Variants in PDE10A observed in about 807,000 individuals in gnomAD.
PDE10A encodes phosphodiesterase 10A.
A neutral mutation model predicts 97.7 loss-of-function variants in PDE10A; 39 were observed. The ratio of observed to expected loss-of-function variants is 0.40; its 90% CI spans 0.31 to 0.52. PDE10A has a LOEUF of 0.52. Ranked by LOEUF, PDE10A falls within the 20% of genes least tolerant of loss-of-function variation. PDE10A has a pLI of 0.56. For synonymous variants in PDE10A, 371 were observed against 376.8 expected, an observed-to-expected ratio of 0.98 and a Z score of 0.18; for missense variants, 731 against 1,047.8, an observed-to-expected ratio of 0.70 and a Z score of 4.17.
At chr6:165,588,281 C>CTTTTTTTCTTT (rs1562606454) in intron 1 of PDE10A, among the ~76,000 whole-genome samples, 1 of 37,034 alleles carries the variant, frequency 2.7e-5, no homozygotes, top group Non-Finnish European at 8.6e-5. Flanking sequence ...ATTTTTTTTT[C>CTTTTTTTCTTT]TTTTTTTTTT....
At chr6:165,757,499 C>T (rs1395078619) in intron 1 of PDE10A, among the ~76,000 whole-genome samples, 4 of 151,932 alleles carry the variant, frequency 2.6e-5, no homozygotes, top group African/African-American at 9.7e-5. Flanking sequence ...TTTCTAGTAT[C>T]TTTATGGTTT....
intron 1 of PDE10A, among the ~76,000 whole-genome samples, chr6:165,838,894 T>C (rs536882349): frequency 2.0e-5 from 3 of 152,350 alleles, no homozygotes; most frequent in South Asian, 4.1e-4. Context: ...CCCTTGTCCA[T>C]TTTCTGGGCC....
intron 1 of PDE10A, among the ~76,000 whole-genome samples, chr6:165,836,967 C>T (rs1018341377): frequency 4.1e-5 from 6 of 147,544 alleles, no homozygotes; most frequent in East Asian, 2.0e-4. Flanking sequence ...CCAAACACCG[C>T]GTATTCTCAC....
At chr6:165,351,670 C>T (rs545885618) in intron 18 of PDE10A, among the ~76,000 whole-genome samples, 5 of 152,246 alleles carry the variant, frequency 3.3e-5, no homozygotes, top group Admixed American at 2.0e-4. Context: ...TCCATCATTG[C>T]AACAAGGATG....
chr6:165,698,981 T>G (rs1791505592), intron 1 of PDE10A, among the ~76,000 whole-genome samples: 1 of 152,256 alleles, frequency 6.6e-6, no homozygotes, highest in Middle Eastern at 3.4e-3. Context: ...ATGGCAAACA[T>G]AAATTCAACT....
chr6:165,660,699 G>A (rs933018185), intron 1 of PDE10A: 2 of 152,742 alleles, frequency 1.3e-5, no homozygotes, highest in Non-Finnish European at 2.9e-5. Flanking sequence ...GCCGCAGTTG[G>A]GAGCGGGAAA....
intron 11 of PDE10A, among the ~76,000 whole-genome samples, chr6:165,417,026 T>C (rs1393492181): frequency 6.6e-6 from 1 of 152,338 alleles, no homozygotes. Flanking sequence ...TTAACAAAGA[T>C]GTCTACAAGT....
chr6:165,534,958 G>T (rs2128317253), intron 2 of PDE10A, among the ~76,000 whole-genome samples: 1 of 152,066 alleles, frequency 6.6e-6, no homozygotes, highest in South Asian at 2.1e-4. Flanking sequence ...TTACACAAGA[G>T]AAAGAAATAA....
intron 3 of PDE10A, among the ~76,000 whole-genome samples, chr6:165,465,761 C>T (rs1562492961): frequency 6.6e-6 from 1 of 152,140 alleles, no homozygotes; most frequent in African/African-American, 2.4e-5. Context: ...GGGGAAATCG[C>T]CCCCATGATT....
At chr6:165,355,598 C>G (rs1234069979) in intron 18 of PDE10A, among the ~76,000 whole-genome samples, 1 of 152,032 alleles carries the variant, frequency 6.6e-6, no homozygotes, top group African/African-American at 2.4e-5. Context: ...GTATCTAGCC[C>G]CTGTTGCTGG....
chr6:165,960,620 C>A (rs697462), intron 1 of PDE10A, among the ~76,000 whole-genome samples: 80,091 of 152,040 alleles, frequency 0.53, 23,397 homozygotes, highest in East Asian at 0.84. Flanking sequence ...GTTGTAGAAT[C>A]GAGAGATTTT....
intron 3 of PDE10A, among the ~76,000 whole-genome samples, chr6:165,468,668 A>G (rs914350791): frequency 3.3e-5 from 5 of 152,218 alleles, no homozygotes; most frequent in Admixed American, 2.6e-4. Flanking sequence ...TTTAAATCCT[A>G]TTGGGGGAGG....
intron 2 of PDE10A, among the ~76,000 whole-genome samples, chr6:165,489,630 T>C (rs1780110239): frequency 6.6e-6 from 1 of 152,028 alleles, no homozygotes; most frequent in South Asian, 2.1e-4. Context: ...AGAATTCAGG[T>C]CGACTATTAA....
intron 1 of PDE10A, among the ~76,000 whole-genome samples, chr6:165,796,165 G>A (rs1285157596): frequency 3.7e-5 from 5 of 133,508 alleles, no homozygotes; most frequent in African/African-American, 1.4e-4. Flanking sequence ...CCGCAATCTC[G>A]GCTCACTGCC....
At chr6:165,750,753 C>T (rs1407499081) in intron 1 of PDE10A, among the ~76,000 whole-genome samples, 1 of 152,188 alleles carries the variant, frequency 6.6e-6, no homozygotes, top group East Asian at 1.9e-4. Flanking sequence ...CAGACTCAAT[C>T]TTTTGACTCA....
chr6:165,349,130 C>T (rs1266188347), intron 18 of PDE10A, among the ~76,000 whole-genome samples: 5 of 152,016 alleles, frequency 3.3e-5, no homozygotes, highest in African/African-American at 4.8e-5. Context: ...AACAGGCAGA[C>T]GTAAGAAGAG....
At chr6:165,394,640 C>A (rs1785996405) in intron 15 of PDE10A, among the ~76,000 whole-genome samples, 1 of 152,130 alleles carries the variant, frequency 6.6e-6, no homozygotes, top group Non-Finnish European at 1.5e-5. Flanking sequence ...GAGGAATCAC[C>A]ATACCGTTTT....
chr6:165,499,426 A>C (rs1780736563), intron 2 of PDE10A, among the ~76,000 whole-genome samples: 2 of 152,258 alleles, frequency 1.3e-5, no homozygotes, highest in Admixed American at 6.5e-5. Flanking sequence ...ATACTAACTA[A>C]TAAAGACTAG....
At chr6:165,478,564 A>C (rs1270681427) in intron 3 of PDE10A, among the ~76,000 whole-genome samples, 1 of 152,240 alleles carries the variant, frequency 6.6e-6, no homozygotes, top group African/African-American at 2.4e-5. Flanking sequence ...TAGCAGCATC[A>C]CATGACGGCA....
Sources: gnomAD v4.1 joint callset for allele counts (sites outside exome capture counted in the v4.1 genomes callset) on GRCh38, gnomAD v4.1.1 for gene constraint, MANE v1.5 for transcripts, NCBI Gene and HGNC (gene_info 2026-07-23, HGNC 2026-07-21) for gene names.